TTC3: variants seen among roughly 807,000 people sequenced by gnomAD.
The protein encoded by TTC3 is tetratricopeptide repeat domain 3, also known as E3 ubiquitin-protein ligase TTC3.
TTC3 carries 180 observed loss-of-function variants against 249.6 expected under a neutral mutation model. The observed-to-expected ratio is 0.72, with a 90% CI of 0.64 to 0.82. The LOEUF (loss-of-function observed/expected upper bound fraction) is 0.82. Ranked by LOEUF, TTC3 falls within the 40% of genes least tolerant of loss-of-function variation. TTC3 has a pLI of 0.00. For missense variants in TTC3, 2,061 were observed against 2,398.4 expected, an observed-to-expected ratio of 0.86 and a Z score of 2.94; for synonymous variants, 717 against 805.0, an observed-to-expected ratio of 0.89 and a Z score of 1.85.
At chr21:37,191,856 T>C (rs2084166525) in intron 40 of TTC3, among the ~76,000 whole-genome samples, 1 of 152,242 alleles carries the variant, frequency 6.6e-6, no homozygotes, top group Admixed American at 6.5e-5. Context: ...CCCAAAGTGC[T>C]GGGATTGCAG....
At chr21:37,074,052 A>C (rs908654573) in intron 1 of TTC3, among the ~76,000 whole-genome samples, 7 of 151,836 alleles carry the variant, frequency 4.6e-5, no homozygotes, top group African/African-American at 1.7e-4. Context: ...GGTGAGCGTG[A>C]ACGTTCGTGC....
intron 34 of TTC3, among the ~76,000 whole-genome samples, chr21:37,168,580 A>G (rs1230066111): frequency 2.0e-5 from 3 of 152,226 alleles, no homozygotes; most frequent in Non-Finnish European, 4.4e-5. Flanking sequence ...TTAAATGAAA[A>G]GATATTTCAT....
intron 13 of TTC3, among the ~76,000 whole-genome samples, chr21:37,124,119 T>TTTTTC (rs2076858333): frequency 8.8e-6 from 1 of 113,820 alleles, no homozygotes; most frequent in Non-Finnish European, 1.8e-5. Context: ...GTTCTTTTTT[T>TTTTTC]TTTTTTTTTT....
In TTC3 at chr21:37,160,335, G is replaced by A. The variant is rs75468239; in HGVS notation, c.3040-467G>A. Among the ~76,000 whole-genome samples the A allele has an allele frequency of 2.7e-3, 409 of 152,292 alleles. 1 individual carries two copies. Among genetic ancestry groups the A allele is most frequent in the African/African-American group, 9.3e-3 (387 of 41,570 alleles). ...TCTATATGAAATTTTGTCTTAATCT[G>A]CTCCATCAAATATTGCCCAGCTAAG... is the stretch of plus-strand genomic sequence containing the variant. On this transcript the variant is annotated intron_variant, in intron 29 of 45. Coordinates refer to ENST00000355666, the Ensembl canonical transcript of TTC3.
intron 11 of TTC3, among the ~76,000 whole-genome samples, chr21:37,117,434 T>G (rs2076225690): frequency 6.6e-6 from 1 of 152,196 alleles, no homozygotes; most frequent in Non-Finnish European, 1.5e-5. Flanking sequence ...ACAAAATCTT[T>G]GCTGATCCTT....
At chr21:37,073,616 C>G (rs2070350316) in intron 1 of TTC3, 143 bp downstream of exon 1, 1 of 513,566 alleles carries the variant, frequency 1.9e-6, no homozygotes, top group South Asian at 8.3e-5. Context: ...GGTGCCCCTT[C>G]GCGAGCGAGG....
chr21:37,076,720 T>TTTTTTTTTGGG (rs2070924163), intron 1 of TTC3, among the ~76,000 whole-genome samples: 1 of 144,636 alleles, frequency 6.9e-6, no homozygotes, highest in Non-Finnish European at 1.5e-5. Flanking sequence ...TTTTTTTTTT[T>TTTTTTTTTGGG]GAGTGAAGTT....
intron 34 of TTC3, 71 bp from the exon 35 acceptor site, chr21:37,172,524 C>T: frequency 6.9e-7 from 1 of 1,458,090 alleles, no homozygotes; most frequent in Non-Finnish European, 9.2e-7. Flanking sequence ...TTTTAAGAAA[C>T]AGTAAAGAAC....
exon 40 of TTC3, chr21:37,191,385 G>A (rs61748840): frequency 6.3e-7 from 1 of 1,587,572 alleles, no homozygotes; most frequent in African/African-American, 1.4e-5. Context: ...CATGGGAATT[G>A]TTTCTTTCTA....
intron 23 of TTC3, 94 bp from the exon 24 acceptor site, chr21:37,149,984 T>G (rs1329335413): frequency 4.5e-6 from 4 of 885,232 alleles, no homozygotes; most frequent in Non-Finnish European, 6.9e-6. Context: ...GTCCGTATTT[T>G]GACTGTTCCT....
chr21:37,160,820 A>T lies in TTC3; in HGVS notation c.3058A>T (p.Lys1020Ter), dbSNP rs2080661522. 3.7e-6 allele frequency: 6 copies of T among 1,612,990 alleles called. No homozygotes were observed. Among genetic ancestry groups the T allele is most frequent in the Non-Finnish European group, 5.1e-6 (6 of 1,179,542 alleles). The change falls in exon 30 of 46, where the codon AAA becomes TAA. Residue 1020 changes from lysine to a stop codon, truncating the protein, a stop_gained. Coordinates refer to ENST00000355666, the Ensembl canonical transcript of TTC3. LOFTEE classifies it high-confidence loss of function. Reference sequence around the variant, plus strand: ...TTTTTAGTTTAGTTCAACCAAGGTGAAAAACAAAAGCAAGAAAAAGAAGCC... The same window carrying T: ...TTTTTAGTTTAGTTCAACCAAGGTGTAAAACAAAAGCAAGAAAAAGAAGCC...
chr21:37,166,086 T>TCTCC lies in TTC3; in HGVS notation c.3873_3876dup (p.Cys1293LeufsTer3). 1 of 1,614,070 alleles carries TCTCC rather than the reference T, an allele frequency of 6.2e-7. No homozygotes were observed. On this transcript the variant is annotated frameshift_variant, in exon 33 of 46. Coordinates refer to ENST00000355666, the Ensembl canonical transcript of TTC3. LOFTEE classifies it high-confidence loss of function. ...TCTGAGGATGCAAATTACAAGCGAGTCTCCTGTAATTCCCCCAAACCGGTT... is the reference window on the plus strand; with the variant it reads ...TCTGAGGATGCAAATTACAAGCGAGTCTCCCTCCTGTAATTCCCCCAAACCGGTT...
At chr21:37,176,919 T>G (rs900488441) in intron 35 of TTC3, among the ~76,000 whole-genome samples, 1 of 152,170 alleles carries the variant, frequency 6.6e-6, no homozygotes, top group African/African-American at 2.4e-5. Flanking sequence ...CTCACCACTT[T>G]ACAGCAGTGT....
intron 7 of TTC3, among the ~76,000 whole-genome samples, chr21:37,092,368 G>A (rs1407681681): frequency 6.6e-6 from 1 of 152,150 alleles, no homozygotes; most frequent in Non-Finnish European, 1.5e-5. Context: ...ACTGATAGAG[G>A]TTGTTCTCTT....
chr21:37,093,763 AGG>A (rs2073598400), intron 7 of TTC3, among the ~76,000 whole-genome samples: 2 of 152,176 alleles, frequency 1.3e-5, no homozygotes, highest in South Asian at 4.1e-4. Context: ...TAGAAATAAA[AGG>A]TGAGATTAGA....
At chr21:37,159,432 T>C in intron 28 of TTC3, 1 of 403,202 alleles carries the variant, frequency 2.5e-6, no homozygotes, top group Non-Finnish European at 4.4e-6. Context: ...CTTGTGCATC[T>C]CTATTCCCAG....
intron 31 of TTC3, among the ~76,000 whole-genome samples, chr21:37,163,844 A>G (rs1056200362): frequency 6.6e-6 from 1 of 152,242 alleles, no homozygotes; most frequent in African/African-American, 2.4e-5. Context: ...GTGCTTACTT[A>G]GATTGTCAGA....
Position 37,160,786 on chromosome 21 carries a change from T to C in TTC3, c.3040-16T>C, listed in dbSNP as rs533764718. The C allele has an allele frequency of 1.7e-5, 27 of 1,612,208 alleles. 1 individual carries two copies. Among genetic ancestry groups the C allele is most frequent in the East Asian group, 1.6e-4 (7 of 44,672 alleles). ...TGTTATTTGAGTGTTCACTGATTTT[T>C]CCCCCCATTTTTTAGTTTAGTTCAA... On this transcript the variant is annotated splice_polypyrimidine_tract_variant and intron_variant, in intron 29 of 45. Coordinates refer to ENST00000355666, the Ensembl canonical transcript of TTC3.
intron 15 of TTC3, among the ~76,000 whole-genome samples, chr21:37,128,638 T>C (rs1468036343): frequency 1.3e-5 from 2 of 152,206 alleles, no homozygotes; most frequent in South Asian, 4.1e-4. Context: ...TATATGTCAA[T>C]AACAACACAG....
Sources: allele counts gnomAD v4.1 joint callset (sites outside exome capture counted in the v4.1 genomes callset), GRCh38; gene constraint gnomAD v4.1.1; transcripts MANE v1.5; gene names NCBI Gene and HGNC (gene_info 2026-07-23, HGNC 2026-07-21).